Variants in TBC1D9 observed in about 807,000 individuals in gnomAD.
TBC1D9 encodes TBC1 domain family member 9A.
TBC1D9 carries 63 observed loss-of-function variants against 132.0 expected under a neutral mutation model. The ratio of observed to expected loss-of-function variants is 0.48; its 90% CI spans 0.39 to 0.59. The LOEUF is 0.59. TBC1D9 is among the 20% of genes least tolerant of loss of function. The pLI, the probability that TBC1D9 is intolerant of heterozygous loss-of-function variation, is 0.00. For missense variants in TBC1D9, 1,261 were observed against 1,592.7 expected, an observed-to-expected ratio of 0.79 and a Z score of 3.54; for synonymous variants, 610 against 609.9, an observed-to-expected ratio of 1.00 and a Z score of 0.00.
At chr4:140,742,531 C>CAAA (rs35891616) in intron 1 of TBC1D9, among the ~76,000 whole-genome samples, 50 of 63,456 alleles carry the variant, frequency 7.9e-4, no homozygotes, top group African/African-American at 1.2e-3. Context: ...GACTCTGTCT[C>CAAA]AAAAAAAAAA....
chr4:140,664,346 G>C (rs1330686929), intron 9 of TBC1D9, among the ~76,000 whole-genome samples: 2 of 152,102 alleles, frequency 1.3e-5, no homozygotes, highest in Admixed American at 6.5e-5. Context: ...AATTGACAAA[G>C]ACTTAAATAA....
At chr4:140,739,783 G>A (rs770477833) in intron 1 of TBC1D9, among the ~76,000 whole-genome samples, 14 of 152,118 alleles carry the variant, frequency 9.2e-5, no homozygotes, top group Non-Finnish European at 1.2e-4. Flanking sequence ...TGGGAGGATC[G>A]CTTGGGGCCA....
At chr4:140,691,438 G>C (rs1022421254) in intron 2 of TBC1D9, among the ~76,000 whole-genome samples, 10 of 152,186 alleles carry the variant, frequency 6.6e-5, no homozygotes, top group African/African-American at 2.4e-4. Context: ...AAGCTCCTTT[G>C]TCATGACCCT....
rs563716787 is a variant in TBC1D9, at chr4:140,641,377, C to T, written c.2338-1949G>A. On this transcript the variant is annotated intron_variant, in intron 13 of 20. Transcript: ENST00000442267. ...TTGACCTCTTTATCAATACCTACTC[C>T]CCAGGAATTTGCAACCATTTTTATC... 2.6e-4 allele frequency among the ~76,000 whole-genome samples: 39 copies of T among 152,222 alleles called. 1 individual carries two copies. In the South Asian group the frequency reaches 5.8e-3, roughly 23 times the overall value.
At chr4:140,677,900 A>G (rs960550904) in intron 5 of TBC1D9, among the ~76,000 whole-genome samples, 8 of 152,090 alleles carry the variant, frequency 5.3e-5, no homozygotes, top group African/African-American at 1.9e-4. Context: ...CACTTCTTAA[A>G]TGATCAACTT....
At position 140,684,651 on chromosome 4, in the gene TBC1D9, T is replaced by C. The variant is rs569641290; in HGVS notation, c.360+1693A>G. Among the ~76,000 whole-genome samples, 3 of 151,752 alleles carry C rather than the reference T, an allele frequency of 2.0e-5. No homozygotes were observed. In the South Asian group the frequency reaches 6.3e-4, roughly 32 times the overall value. ...CTTCTTCCTACAGCCCTTTTTTTCT[T>C]TTTTGAGACAGAGTGTCACTCTGTT... On this transcript the variant is annotated intron_variant, in intron 3 of 20. Transcript: ENST00000442267.
At chr4:140,625,284 A>G (rs924939720) in intron 18 of TBC1D9, among the ~76,000 whole-genome samples, 1 of 152,152 alleles carries the variant, frequency 6.6e-6, no homozygotes, top group Non-Finnish European at 1.5e-5. Context: ...TTTTGCTAAA[A>G]TGTTACATGC....
chr4:140,638,825 G>C (rs531525479), intron 15 of TBC1D9, among the ~76,000 whole-genome samples: 21 of 152,110 alleles, frequency 1.4e-4, no homozygotes, highest in Non-Finnish European at 2.9e-4. Context: ...TTTTTAATAA[G>C]TATTATGAAG....
intron 1 of TBC1D9, among the ~76,000 whole-genome samples, chr4:140,726,991 T>C (rs1738512150): frequency 1.3e-5 from 2 of 152,210 alleles, no homozygotes; most frequent in South Asian, 4.1e-4. Flanking sequence ...AACACTAAAG[T>C]TGGGTGTCAG....
intron 13 of TBC1D9, chr4:140,644,125 T>C: frequency 2.7e-6 from 1 of 373,980 alleles, no homozygotes; most frequent in Non-Finnish European, 5.1e-6. Context: ...GCGGCCACTG[T>C]GGGCTGCCCC....
chr4:140,755,769 A>C, intron 1 of TBC1D9, 147 bp downstream of exon 1: 1 of 1,275,420 alleles, frequency 7.8e-7, no homozygotes, highest in Non-Finnish European at 1.0e-6. Context: ...GAACATCACG[A>C]CTCTCGATGC....
intron 1 of TBC1D9, among the ~76,000 whole-genome samples, chr4:140,710,858 C>T (rs1397242110): frequency 1.3e-5 from 2 of 152,172 alleles, no homozygotes; most frequent in African/African-American, 4.8e-5. Flanking sequence ...TTCAGGACCC[C>T]TTGTTAAAAA....
intron 2 of TBC1D9, among the ~76,000 whole-genome samples, chr4:140,696,839 A>G (rs371448290): frequency 6.6e-6 from 1 of 152,362 alleles, no homozygotes; most frequent in East Asian, 1.9e-4. Flanking sequence ...ATTTAGACTT[A>G]CCCAATTATC....
intron 6 of TBC1D9, among the ~76,000 whole-genome samples, chr4:140,675,693 T>C (rs1578835771): frequency 6.6e-6 from 1 of 152,302 alleles, no homozygotes; most frequent in East Asian, 1.9e-4. Flanking sequence ...CTTGCAGAGA[T>C]ACAGATTCAG....
chr4:140,666,088 A>G (rs12641884), intron 9 of TBC1D9, among the ~76,000 whole-genome samples: 54,297 of 152,158 alleles, frequency 0.36, 11,332 homozygotes, highest in South Asian at 0.47. Context: ...TGAACAGAGT[A>G]TAGTATGTCC....
Position 140,622,533 on chromosome 4 carries a change from C to T in TBC1D9, c.3463G>A (p.Asp1155Asn). The change falls in exon 21 of 21, where the codon GAC (aspartate) becomes AAC (asparagine). Residue 1155 changes from aspartate (D) to asparagine (N), a missense_variant. By Grantham distance (23) the Asp-to-Asn change is conservative. Around this residue, in one of 3 missense-constraint regions of TBC1D9, gnomAD observed 618 missense variants for 724.4 expected, o/e 0.85. Coordinates refer to ENST00000442267, the MANE Select transcript of TBC1D9 (RefSeq NM_015130.3). ...ACSSMLISDD[D>N]TKDDSSMSSY... ...GACATGGAGCTGTCGTCCTTGGTGT[C>T]GTCGTCAGAGATCAGCATGGAGGAG... is the stretch of plus-strand genomic sequence containing the variant. 3 of 1,614,048 alleles carry T rather than the reference C, an allele frequency of 1.9e-6. No individual in the cohort carries two copies. The highest frequency in any genetic ancestry group is 2.5e-6 in the Non-Finnish European group (3 of 1,179,906).
In TBC1D9 at chr4:140,622,340, G is replaced by C; in HGVS notation, c.3656C>G (p.Ser1219Cys). ...GACCAGGGCAGGCTCAGTTAAGAGG[G>C]AGGCCAGGAACTGCTCGAAGGTGAT... ...WAITFEQFLA[S>C]LLTEPALVKY... The change falls in exon 21 of 21, where the codon TCC becomes TGC. Residue 1219 changes from serine to cysteine, a missense_variant. Ser to Cys is a moderately radical substitution (Grantham distance 112). Around this residue, in one of 3 missense-constraint regions of TBC1D9, gnomAD observed 618 missense variants for 724.4 expected, o/e 0.85. Coordinates refer to ENST00000442267, the MANE Select transcript of TBC1D9 (RefSeq NM_015130.3). 2 of 1,613,770 alleles carry C rather than the reference G, an allele frequency of 1.2e-6. No individual in the cohort carries two copies. The highest frequency in any genetic ancestry group is 1.7e-6 in the Non-Finnish European group (2 of 1,179,674).
chr4:140,748,605 TACTC>T (rs1380646734), intron 1 of TBC1D9, among the ~76,000 whole-genome samples: 2 of 152,184 alleles, frequency 1.3e-5, no homozygotes, highest in Non-Finnish European at 2.9e-5. Flanking sequence ...AAAGACATAT[TACTC>T]ACAAAAGAAC....
Position 140,669,614 on chromosome 4 carries a change from G to A in TBC1D9, c.1437+20C>T. 1.9e-6 allele frequency: 3 copies of A among 1,592,022 alleles called. No individual in the cohort carries two copies. The highest frequency in any genetic ancestry group is 1.1e-5 in the South Asian group (1 of 89,840). Reference sequence around the variant, plus strand: ...TTGTTCAAATCTACAAAGTTTCAGGGAAAAGTGAGAGGCACCCACCAATTT... The same window carrying A: ...TTGTTCAAATCTACAAAGTTTCAGGAAAAAGTGAGAGGCACCCACCAATTT... On this transcript the variant is annotated intron_variant, in intron 8 of 20. Transcript: ENST00000442267.
Sources: gnomAD v4.1 joint callset for allele counts (sites outside exome capture counted in the v4.1 genomes callset) on GRCh38, gnomAD v4.1.1 for gene constraint, gnomAD v4.1.1 regional missense constraint, MANE v1.5 for transcripts, NCBI Gene and HGNC (gene_info 2026-07-23, HGNC 2026-07-21) for gene names.